Variants in ANO4 observed in about 807,000 individuals in gnomAD.
ANO4 encodes anoctamin 4.
A neutral mutation model predicts 141.9 loss-of-function variants in ANO4; 69 were observed. The ratio of observed to expected loss-of-function variants is 0.49; its 90% CI spans 0.40 to 0.59. The LOEUF is 0.59. ANO4 is among the 20% of genes least tolerant of loss of function. The probability of loss-of-function intolerance (pLI) is 0.00; values close to 1 mark genes in which losing one functional copy is unlikely to be tolerated. For synonymous variants in ANO4, 350 were observed against 394.3 expected (o/e 0.89, Z 1.33); for missense variants, 894 against 1,162.2 (o/e 0.77, Z 3.36).
At chr12:100,911,601 T>G (rs2041106796) in intron 2 of ANO4, among the ~76,000 whole-genome samples, 1 of 152,220 alleles carries the variant, frequency 6.6e-6, no homozygotes, top group South Asian at 2.1e-4. Flanking sequence ...TTTTGGGTTC[T>G]GATATAATAA....
chr12:100,898,588 T>C (rs1368300184), intron 1 of ANO4, among the ~76,000 whole-genome samples: 2 of 152,236 alleles, frequency 1.3e-5, no homozygotes, highest in Non-Finnish European at 2.9e-5. Context: ...TGCTATGATC[T>C]ACATTATTAT....
intron 1 of ANO4, among the ~76,000 whole-genome samples, chr12:100,839,584 GT>G (rs2037129469): frequency 6.6e-6 from 1 of 152,052 alleles, no homozygotes; most frequent in Non-Finnish European, 1.5e-5. Context: ...TGGCAATGGG[GT>G]ATCTTACAAT....
At chr12:100,935,365 G>A (rs1267334118) in intron 3 of ANO4, among the ~76,000 whole-genome samples, 17 of 152,034 alleles carry the variant, frequency 1.1e-4, no homozygotes, top group South Asian at 4.1e-4. Flanking sequence ...GTTTTTTGTC[G>A]TTGATTCTGT....
intron 15 of ANO4, among the ~76,000 whole-genome samples, chr12:101,080,218 T>C (rs576957395): frequency 6.6e-6 from 1 of 152,334 alleles, no homozygotes; most frequent in South Asian, 2.1e-4. Flanking sequence ...ACGATGTGAA[T>C]TTTAGCCCTG....
chr12:101,064,338 AGTTT>A (rs2085521892), intron 14 of ANO4, among the ~76,000 whole-genome samples: 1 of 152,198 alleles, frequency 6.6e-6, no homozygotes, highest in Admixed American at 6.5e-5. Context: ...ACTTGCTGTT[AGTTT>A]CTAACTTCAT....
intron 3 of ANO4, among the ~76,000 whole-genome samples, chr12:100,775,862 T>TG (rs1382824090): frequency 3.3e-5 from 5 of 152,184 alleles, no homozygotes; most frequent in South Asian, 2.1e-4. Flanking sequence ...AAAAACCTAG[T>TG]GGCTTTCCCC....
At chr12:101,076,495 ATC>A (rs2049029762) in intron 14 of ANO4, among the ~76,000 whole-genome samples, 1 of 152,188 alleles carries the variant, frequency 6.6e-6, no homozygotes, top group Non-Finnish European at 1.5e-5. Context: ...AATGGTTAGA[ATC>A]TCTGTTTCCT....
chr12:100,980,122 G>T (rs191349719), intron 7 of ANO4, among the ~76,000 whole-genome samples: 3 of 152,172 alleles, frequency 2.0e-5, no homozygotes, highest in Admixed American at 6.5e-5. Flanking sequence ...TACTTCTAGC[G>T]CACACATCAC....
chr12:101,121,011 CA>C (rs1566277921), intron 26 of ANO4, among the ~76,000 whole-genome samples: 2 of 152,138 alleles, frequency 1.3e-5, no homozygotes, highest in Non-Finnish European at 2.9e-5. Context: ...ATTCTGGGAC[CA>C]TAATTTGGAA....
At chr12:100,895,865 G>C (rs1292495133) in intron 1 of ANO4, among the ~76,000 whole-genome samples, 1 of 151,886 alleles carries the variant, frequency 6.6e-6, no homozygotes, top group Non-Finnish European at 1.5e-5. Context: ...CCTGGCCTTT[G>C]ATTTTTATTT....
intron 1 of ANO4, among the ~76,000 whole-genome samples, chr12:100,863,345 A>G (rs2038581456): frequency 6.6e-6 from 1 of 152,202 alleles, no homozygotes; most frequent in Non-Finnish European, 1.5e-5. Flanking sequence ...AAGGGTGACC[A>G]GTTAGACATC....
chr12:100,966,621 TCTC>T (rs1352421673), intron 5 of ANO4, among the ~76,000 whole-genome samples: 6 of 151,992 alleles, frequency 3.9e-5, no homozygotes, highest in Non-Finnish European at 5.9e-5. Flanking sequence ...CAAGACATCT[TCTC>T]CTGGGCATGT....
chr12:100,812,031 T>C (rs28621764), intron 1 of ANO4, among the ~76,000 whole-genome samples: 1 of 94,566 alleles, frequency 1.1e-5, no homozygotes, highest in Non-Finnish European at 2.1e-5. Flanking sequence ...TGCACACACA[T>C]ATATGTGTAC....
chr12:100,851,391 C>T (rs549158914), intron 1 of ANO4, among the ~76,000 whole-genome samples: 1 of 152,200 alleles, frequency 6.6e-6, no homozygotes, highest in Admixed American at 6.5e-5. Context: ...AGGAGACTTG[C>T]TGCTTTTTCC....
chr12:100,735,468 AG>A (rs1300812595), intron 2 of ANO4, among the ~76,000 whole-genome samples: 4 of 152,134 alleles, frequency 2.6e-5, no homozygotes, highest in Admixed American at 2.6e-4. Context: ...GGTTCACAGT[AG>A]GGGGGTGACA....
intron 13 of ANO4, among the ~76,000 whole-genome samples, chr12:101,044,600 C>G (rs1267338623): frequency 6.6e-6 from 1 of 152,210 alleles, no homozygotes; most frequent in Non-Finnish European, 1.5e-5. Context: ...TCTAATTACT[C>G]TCTTGGCATT....
chr12:100,756,626 G>C (rs900798571), intron 3 of ANO4, among the ~76,000 whole-genome samples: 1 of 152,162 alleles, frequency 6.6e-6, no homozygotes, highest in Non-Finnish European at 1.5e-5. Flanking sequence ...GGGATTACAG[G>C]CATGAGCCAC....
At chr12:100,876,278 C>CAAAAA (rs79799106) in intron 1 of ANO4, among the ~76,000 whole-genome samples, 10,063 of 91,326 alleles carry the variant, frequency 0.11, 446 homozygotes, top group East Asian at 0.16. Context: ...ATATAAAGAC[C>CAAAAA]AAAAAAAAAA....
intron 5 of ANO4, among the ~76,000 whole-genome samples, chr12:100,958,721 G>A (rs952899966): frequency 6.6e-6 from 1 of 152,140 alleles, no homozygotes; most frequent in East Asian, 1.9e-4. Flanking sequence ...ATTGGTGCAT[G>A]CCTGTAGTCC....
Sources: allele counts gnomAD v4.1 joint callset (sites outside exome capture counted in the v4.1 genomes callset), GRCh38; gene constraint gnomAD v4.1.1; transcripts MANE v1.5; gene names NCBI Gene and HGNC (gene_info 2026-07-23, HGNC 2026-07-21).